The following PHACTR1 variants were observed in gnomAD, a reference collection of about 807,000 sequenced individuals.
PHACTR1 encodes the protein RPEL repeat containing 1.
Under a neutral mutation model 69.2 loss-of-function variants are expected in PHACTR1, and 16 were observed. That is an observed-to-expected ratio of 0.23 (90% CI 0.16 to 0.35). The LOEUF is 0.35. Ranked by LOEUF, PHACTR1 falls within the 10% of genes least tolerant of loss-of-function variation. PHACTR1 has a pLI of 1.00. For missense variants in PHACTR1, 510 were observed against 734.7 expected, an observed-to-expected ratio of 0.69 and a Z score of 3.54; for synonymous variants, 312 against 284.5, an observed-to-expected ratio of 1.10 and a Z score of -0.97.
rs907112368 is a variant in PHACTR1, at chr6:12,718,886, G to A, written c.103+39G>A. The A allele has an allele frequency of 8.1e-6, 11 of 1,355,030 alleles. No individual in the cohort carries two copies. The Admixed American group carries it at 1.1e-4, about 13-fold the overall frequency. The allele number at this position is 1,355,030 out of a possible 1,614,324, so 83.9% of individuals were successfully genotyped here. A position where few individuals can be genotyped will look rare whatever the true frequency, so the allele number is the denominator to read the frequency against. On this transcript the variant is annotated intron_variant, in intron 3 of 14. Transcript: ENST00000332995. ...AAAAAGAAATTCCTCTTATTTGCAC[G>A]TCGGTTTTATATGAACAGCCATGTA...
At chr6:13,105,597 C>G (rs1468246180) in intron 5 of PHACTR1, among the ~76,000 whole-genome samples, 2 of 152,100 alleles carry the variant, frequency 1.3e-5, no homozygotes, top group African/African-American at 4.8e-5. Context: ...ACAAGACTGC[C>G]CTTACTGAAC....
At chr6:12,893,277 G>A (rs1784331299) in intron 4 of PHACTR1, among the ~76,000 whole-genome samples, 1 of 152,152 alleles carries the variant, frequency 6.6e-6, no homozygotes, top group Non-Finnish European at 1.5e-5. Flanking sequence ...CAGCTCCAGG[G>A]CGTATGCACT....
chr6:13,007,558 T>C (rs1798938526), intron 4 of PHACTR1, among the ~76,000 whole-genome samples: 1 of 152,158 alleles, frequency 6.6e-6, no homozygotes, highest in African/African-American at 2.4e-5. Context: ...TGCTTAATGT[T>C]ACAAGACTTT....
intron 13 of PHACTR1, among the ~76,000 whole-genome samples, chr6:13,285,156 C>A (rs1268030944): frequency 1.3e-5 from 2 of 152,164 alleles, no homozygotes; most frequent in African/African-American, 4.8e-5. Flanking sequence ...CTACTTGCAC[C>A]CTCATAGAGT....
At chr6:13,141,345 A>G (rs1183206724) in intron 5 of PHACTR1, among the ~76,000 whole-genome samples, 3 of 152,220 alleles carry the variant, frequency 2.0e-5, no homozygotes, top group Non-Finnish European at 4.4e-5. Flanking sequence ...TTATGGAACA[A>G]AGCTCCATTC....
intron 4 of PHACTR1, among the ~76,000 whole-genome samples, chr6:12,975,105 T>C (rs760619837): frequency 3.9e-5 from 6 of 152,184 alleles, no homozygotes; most frequent in Non-Finnish European, 8.8e-5. Flanking sequence ...GCTGACTCTA[T>C]CTGTTACAAT....
At chr6:12,940,068 C>A (rs545542186) in intron 4 of PHACTR1, among the ~76,000 whole-genome samples, 2 of 152,262 alleles carry the variant, frequency 1.3e-5, no homozygotes, top group African/African-American at 4.8e-5. Flanking sequence ...TCATTTCCCC[C>A]CTGCTGTTAG....
intron 3 of PHACTR1, among the ~76,000 whole-genome samples, chr6:12,737,701 C>G (rs1764477929): frequency 6.6e-6 from 1 of 151,574 alleles, no homozygotes; most frequent in Non-Finnish European, 1.5e-5. Context: ...CTCAAGCGAT[C>G]CTCTTGCCTC....
chr6:12,954,869 T>C (rs915373534), intron 4 of PHACTR1, among the ~76,000 whole-genome samples: 1 of 152,226 alleles, frequency 6.6e-6, no homozygotes, highest in Non-Finnish European at 1.5e-5. Flanking sequence ...AAATAAATTC[T>C]AACCTCAAAA....
chr6:13,172,808 A>G (rs1282178857), intron 6 of PHACTR1, among the ~76,000 whole-genome samples: 2 of 152,254 alleles, frequency 1.3e-5, no homozygotes, highest in African/African-American at 2.4e-5. Flanking sequence ...TTGTGTGAAA[A>G]TATCCACTCC....
chr6:12,981,833 T>C (rs1021498376), intron 4 of PHACTR1, among the ~76,000 whole-genome samples: 1 of 152,230 alleles, frequency 6.6e-6, no homozygotes, highest in Non-Finnish European at 1.5e-5. Flanking sequence ...TATTTTTATA[T>C]GTATTTTCAA....
chr6:12,736,785 T>A lies in PHACTR1; in HGVS notation c.104-12859T>A, dbSNP rs9357474. Reference sequence around the variant, plus strand: ...AGAATACATATGTACTCTTCTCAGATTCACCTATTAAAAAATTGCTTCTTG... The same window carrying A: ...AGAATACATATGTACTCTTCTCAGAATCACCTATTAAAAAATTGCTTCTTG... On this transcript the variant is annotated intron_variant, in intron 3 of 14. Transcript: ENST00000332995. Among the ~76,000 whole-genome samples the A allele has an allele frequency of 4.0e-3, 608 of 152,276 alleles. 12 individuals are homozygous for A. The East Asian group carries it at 0.056, about 14-fold the overall frequency.
At chr6:13,227,694 T>C in intron 8 of PHACTR1, 122 bp from the exon 9 acceptor site, 1 of 1,306,178 alleles carries the variant, frequency 7.7e-7, no homozygotes, top group Non-Finnish European at 1.1e-6. Context: ...AATGGAACTT[T>C]ACTTGCCCAG....
At chr6:12,931,566 T>C (rs1788874778) in intron 4 of PHACTR1, among the ~76,000 whole-genome samples, 1 of 152,020 alleles carries the variant, frequency 6.6e-6, no homozygotes, top group Non-Finnish European at 1.5e-5. Flanking sequence ...CTTATGTAAA[T>C]AGCAAATACA....
intron 10 of PHACTR1, among the ~76,000 whole-genome samples, chr6:13,252,476 A>T (rs2127400976): frequency 6.6e-6 from 1 of 152,204 alleles, no homozygotes; most frequent in Middle Eastern, 3.4e-3. Flanking sequence ...CCTTTCCTGG[A>T]TAAATAACTC....
intron 9 of PHACTR1, among the ~76,000 whole-genome samples, chr6:13,229,447 A>G (rs758310245): frequency 1.3e-5 from 2 of 152,148 alleles, no homozygotes; most frequent in Non-Finnish European, 2.9e-5. Flanking sequence ...GAAAAAACCC[A>G]TCCCAGGATA....
At chr6:12,766,370 C>T (rs1024194871) in intron 4 of PHACTR1, among the ~76,000 whole-genome samples, 6 of 152,152 alleles carry the variant, frequency 3.9e-5, no homozygotes, top group Admixed American at 2.6e-4. Flanking sequence ...ACACATCTTG[C>T]AGGTGAGGAA....
At chr6:12,918,371 T>C (rs377710571) in intron 4 of PHACTR1, among the ~76,000 whole-genome samples, 4 of 152,240 alleles carry the variant, frequency 2.6e-5, no homozygotes, top group Admixed American at 6.5e-5. Flanking sequence ...GCCAATGTAA[T>C]CACACACACA....
chr6:13,169,044 G>A (rs1489943469), intron 6 of PHACTR1, among the ~76,000 whole-genome samples: 1 of 152,120 alleles, frequency 6.6e-6, no homozygotes, highest in East Asian at 1.9e-4. Flanking sequence ...GGGATTCAGA[G>A]GATGTGATGG....
Sources: gnomAD v4.1 joint callset for allele counts (sites outside exome capture counted in the v4.1 genomes callset) on GRCh38, gnomAD v4.1.1 for gene constraint, MANE v1.5 for transcripts, NCBI Gene and HGNC (gene_info 2026-07-23, HGNC 2026-07-21) for gene names.